The following ST6GAL1 variants were observed in gnomAD, a reference collection of about 807,000 sequenced individuals.
The protein encoded by ST6GAL1 is beta-galactoside alpha-2,6-sialyltransferase 1.
In ST6GAL1, 20 loss-of-function variants were observed where a neutral mutation model predicts 38.0. The ratio of observed to expected loss-of-function variants is 0.53; its 90% CI spans 0.37 to 0.77. The LOEUF is 0.77. Among genes scored for constraint, ST6GAL1 ranks in the 30% least tolerant of loss-of-function variants. ST6GAL1 has a pLI of 0.00. For missense variants in ST6GAL1, 432 were observed against 496.4 expected (o/e 0.87, Z 1.23); for synonymous variants, 196 against 188.2 (o/e 1.04, Z -0.34).
chr3:186,973,724 C>T (rs1237626638), intron 2 of ST6GAL1, among the ~76,000 whole-genome samples: 3 of 152,184 alleles, frequency 2.0e-5, no homozygotes, highest in Non-Finnish European at 4.4e-5. Flanking sequence ...TGCCTCTCCT[C>T]CTCTCCTGGA....
At chr3:187,070,897 C>G (rs532306483) in intron 5 of ST6GAL1, among the ~76,000 whole-genome samples, 3 of 152,264 alleles carry the variant, frequency 2.0e-5, no homozygotes, top group African/African-American at 7.2e-5. Flanking sequence ...CAATCTCCAG[C>G]CAAGGTAGAC....
chr3:187,007,485 C>G (rs1404776204), intron 2 of ST6GAL1, among the ~76,000 whole-genome samples: 2 of 152,192 alleles, frequency 1.3e-5, no homozygotes, highest in Non-Finnish European at 2.9e-5. Context: ...ACTGATCTGA[C>G]ACTGGAGCTA....
chr3:187,018,010 T>C (rs948427547), intron 2 of ST6GAL1, among the ~76,000 whole-genome samples: 2 of 152,180 alleles, frequency 1.3e-5, no homozygotes, highest in Non-Finnish European at 2.9e-5. Flanking sequence ...ACTTAGCATG[T>C]GAGAATTCCG....
intron 1 of ST6GAL1, among the ~76,000 whole-genome samples, chr3:186,932,701 C>T (rs1026268543): frequency 6.6e-6 from 1 of 152,216 alleles, no homozygotes; most frequent in Non-Finnish European, 1.5e-5. Flanking sequence ...TCTTAGCAAG[C>T]TACTCCTGAG....
intron 1 of ST6GAL1, among the ~76,000 whole-genome samples, chr3:186,950,834 A>G (rs1329870463): frequency 1.3e-5 from 2 of 152,256 alleles, no homozygotes; most frequent in Non-Finnish European, 2.9e-5. Context: ...GGATGAGATA[A>G]AAACAGGATT....
At chr3:186,999,519 C>A (rs1716542711) in intron 2 of ST6GAL1, among the ~76,000 whole-genome samples, 2 of 151,170 alleles carry the variant, frequency 1.3e-5, no homozygotes, top group Admixed American at 1.3e-4. Flanking sequence ...TCAGGCCATT[C>A]TCCTGCCTCA....
At chr3:187,043,418 G>A in intron 4 of ST6GAL1, 108 bp downstream of exon 4, 1 of 1,483,416 alleles carries the variant, frequency 6.7e-7, no homozygotes, top group Non-Finnish European at 9.0e-7. Context: ...GACCAGTGGA[G>A]TGGGCCCAGG....
At chr3:187,013,489 C>T (rs1717021323) in intron 2 of ST6GAL1, among the ~76,000 whole-genome samples, 1 of 152,240 alleles carries the variant, frequency 6.6e-6, no homozygotes, top group Non-Finnish European at 1.5e-5. Flanking sequence ...GTGACACACC[C>T]TTGACCCTGC....
At chr3:187,018,077 C>T (rs1004302868) in intron 2 of ST6GAL1, among the ~76,000 whole-genome samples, 8 of 152,130 alleles carry the variant, frequency 5.3e-5, no homozygotes, top group Admixed American at 5.2e-4. Flanking sequence ...CCGGGGGAGG[C>T]AGGTTTCCAA....
At chr3:186,991,015 T>C (rs1038615769) in intron 2 of ST6GAL1, among the ~76,000 whole-genome samples, 3 of 152,134 alleles carry the variant, frequency 2.0e-5, no homozygotes, top group Non-Finnish European at 2.9e-5. Context: ...GCCAGGCTTC[T>C]ACCCTTTGTG....
intron 5 of ST6GAL1, among the ~76,000 whole-genome samples, chr3:187,053,894 T>C (rs1436878388): frequency 6.6e-6 from 1 of 152,244 alleles, no homozygotes; most frequent in African/African-American, 2.4e-5. Context: ...TTGGGCAGTA[T>C]GGCCCTTTCC....
chr3:187,002,873 G>A (rs938073619), intron 2 of ST6GAL1, among the ~76,000 whole-genome samples: 7 of 152,072 alleles, frequency 4.6e-5, no homozygotes, highest in Admixed American at 6.6e-5. Context: ...TACTATTTAC[G>A]GTAGCAAAAT....
intron 5 of ST6GAL1, among the ~76,000 whole-genome samples, chr3:187,068,494 C>T (rs1008142417): frequency 6.6e-6 from 1 of 152,194 alleles, no homozygotes; most frequent in African/African-American, 2.4e-5. Context: ...TTAACACTTA[C>T]TTCCTAGGGC....
chr3:186,992,610 A>T (rs889786073), intron 2 of ST6GAL1, among the ~76,000 whole-genome samples: 1 of 152,180 alleles, frequency 6.6e-6, no homozygotes, highest in Non-Finnish European at 1.5e-5. Context: ...CCTGGCCAAC[A>T]TGGTGAAACC....
chr3:187,047,146 C>T (rs1452214193), intron 4 of ST6GAL1, among the ~76,000 whole-genome samples: 3 of 152,046 alleles, frequency 2.0e-5, no homozygotes, highest in Admixed American at 6.5e-5. Context: ...AGGGTTTCAC[C>T]GTGTTAGCCA....
At chr3:186,999,613 G>C (rs985144434) in intron 2 of ST6GAL1, among the ~76,000 whole-genome samples, 1 of 151,886 alleles carries the variant, frequency 6.6e-6, no homozygotes, top group South Asian at 2.1e-4. Context: ...GTTTCACCGT[G>C]TTAGCCAGGA....
chr3:186,960,263 C>T (rs1049360634), intron 1 of ST6GAL1, among the ~76,000 whole-genome samples: 16 of 152,134 alleles, frequency 1.1e-4, no homozygotes, highest in African/African-American at 3.9e-4. Flanking sequence ...CATCTAGATG[C>T]TTCTGGGTCT....
At chr3:187,033,149 C>T (rs1717810641) in intron 2 of ST6GAL1, among the ~76,000 whole-genome samples, 1 of 152,210 alleles carries the variant, frequency 6.6e-6, no homozygotes, top group Non-Finnish European at 1.5e-5. Context: ...CGTGGGGGCT[C>T]ACGCCTGTAA....
At chr3:187,060,519 T>G (rs1232176593) in intron 5 of ST6GAL1, among the ~76,000 whole-genome samples, 1 of 152,130 alleles carries the variant, frequency 6.6e-6, no homozygotes, top group Admixed American at 6.5e-5. Context: ...ATCACTGGCT[T>G]TCATCTGAGC....
Sources: allele counts gnomAD v4.1 joint callset (sites outside exome capture counted in the v4.1 genomes callset), GRCh38; gene constraint gnomAD v4.1.1; transcripts MANE v1.5; gene names NCBI Gene and HGNC (gene_info 2026-07-23, HGNC 2026-07-21).